Variants in SCN3A observed in about 807,000 individuals in gnomAD.
SCN3A encodes the protein sodium channel protein type 3 subunit alpha.
SCN3A carries 60 observed loss-of-function variants against 187.6 expected under a neutral mutation model. The ratio of observed to expected loss-of-function variants is 0.32; its 90% CI spans 0.26 to 0.40. The LOEUF (loss-of-function observed/expected upper bound fraction) is 0.40. SCN3A is among the 10% of genes least tolerant of loss of function. The pLI is 1.00. For missense variants in SCN3A, 1,601 were observed against 2,428.2 expected, an observed-to-expected ratio of 0.66 and a Z score of 7.16; for synonymous variants, 788 against 829.2, an observed-to-expected ratio of 0.95 and a Z score of 0.85.
chr2:165,094,185 C>A, intron 26 of SCN3A, 189 bp downstream of exon 26: 1 of 634,868 alleles, frequency 1.6e-6, no homozygotes, highest in Non-Finnish European at 2.8e-6. Context: ...AAGAACATTA[C>A]CTCCTTTTTT....
chr2:165,126,625 G>A lies in SCN3A; in HGVS notation c.3393+1006C>T, dbSNP rs182028085. ...GTTCCTTCCTTCCTTCATTCCTTCC[G>A]TCCTTCCTCCCTCTTCTCCTTTCCC... On this transcript the variant is annotated intron_variant, in intron 18 of 27. Transcript: ENST00000283254. Among the ~76,000 whole-genome samples the A allele has an allele frequency of 6.1e-4, 54 of 88,988 alleles. No individual in the cohort carries two copies. The East Asian group carries it at 0.018, about 30-fold the overall frequency. The allele number at this position is 88,988 out of a possible 152,430, so 58.4% of individuals were successfully genotyped here.
At chr2:165,163,375 A>G (rs987351831) in intron 7 of SCN3A, among the ~76,000 whole-genome samples, 1 of 152,174 alleles carries the variant, frequency 6.6e-6, no homozygotes, top group African/African-American at 2.4e-5. Context: ...AGAGCGCAAG[A>G]GGCCCAAATT....
chr2:165,098,626 G>C (rs1685467602), intron 22 of SCN3A, among the ~76,000 whole-genome samples: 1 of 152,058 alleles, frequency 6.6e-6, no homozygotes, highest in Non-Finnish European at 1.5e-5. Flanking sequence ...AAAAACCATG[G>C]CTTCAGGCTG....
chr2:165,182,299 G>T (rs1260126219), intron 2 of SCN3A, among the ~76,000 whole-genome samples: 1 of 152,180 alleles, frequency 6.6e-6, no homozygotes, highest in East Asian at 1.9e-4. Flanking sequence ...GTACCAAAAG[G>T]CATGGACTTA....
At chr2:165,194,272 T>G (rs1252552984) in intron 1 of SCN3A, among the ~76,000 whole-genome samples, 2 of 152,114 alleles carry the variant, frequency 1.3e-5, no homozygotes, top group African/African-American at 4.8e-5. Context: ...GGTGGGAAAT[T>G]GACCAGTTAA....
At position 165,140,980 on chromosome 2, in the gene SCN3A, C is replaced by G; in HGVS notation, c.1690G>C (p.Gly564Arg). ...TTGCGTCTTGGGGAAAACAGGGAGC[C>G]ACGGATACTCAAGAGAGACTGCAGA... ...SPHQSLLSIR[G>R]SLFSPRRNSK... Residue 564 changes from glycine to arginine, a missense_variant, in exon 13 of 28, where the codon GGC becomes CGC. Gly to Arg is a moderately radical substitution (Grantham distance 125). This residue lies in a region of SCN3A where 376 missense variants were observed against 476.0 expected (regional missense o/e 0.79). Coordinates refer to ENST00000283254, the MANE Select transcript of SCN3A (RefSeq NM_006922.4). The surrounding 1 kb of genome is among the most constrained non-coding windows in gnomAD (Gnocchi z 4.2). 9 of 1,613,690 alleles carry G rather than the reference C, an allele frequency of 5.6e-6. No homozygotes were observed. Among genetic ancestry groups the G allele is most frequent in the Non-Finnish European group, 7.6e-6 (9 of 1,179,846 alleles).
At chr2:165,186,796 G>C (rs1197463157) in intron 1 of SCN3A, 49 bp from the exon 2 acceptor site, 2 of 151,920 alleles carry the variant, frequency 1.3e-5, no homozygotes, top group Non-Finnish European at 2.9e-5. Context: ...TTTGACATTT[G>C]GCATAGGGGT....
rs542232187 is a variant in SCN3A, at chr2:165,146,610, C to A, written c.1671+129G>T. 8.9e-5 allele frequency: 79 copies of A among 887,812 alleles called. No individual in the cohort carries two copies. The African/African-American group carries it at 1.1e-3, about 13-fold the overall frequency. The allele number at this position is 887,812 out of a possible 1,614,324, so 55.0% of individuals were successfully genotyped here. On this transcript the variant is annotated intron_variant, in intron 12 of 27. Transcript: ENST00000283254. The stretch of plus-strand genomic sequence containing the variant: ...CAATCTATTATAAGAATTTAAACAA[C>A]TATATTAAATGTTAGTTCCCTGTCC...
At position 165,140,559 on chromosome 2, in the gene SCN3A, A is replaced by G. The variant is rs566120222; in HGVS notation, c.2019+92T>C. 13 of 1,054,674 alleles carry G rather than the reference A, an allele frequency of 1.2e-5. No homozygotes were observed. In the East Asian group the frequency reaches 2.9e-4, roughly 23 times the overall value. The allele number at this position is 1,054,674 out of a possible 1,614,324, so 65.3% of individuals were successfully genotyped here. On this transcript the variant is annotated intron_variant, in intron 13 of 27. Transcript: ENST00000283254. This position sits in a 1 kb window ranked among gnomAD's most constrained non-coding sequence, Gnocchi z 4.2. ...ATTTTTACCAACTTTCATTTTGAGG[A>G]AGCAGGACGGTATGACAGCCTAAAC...
At chr2:165,108,290 A>G (rs1685954957) in intron 21 of SCN3A, among the ~76,000 whole-genome samples, 1 of 152,184 alleles carries the variant, frequency 6.6e-6, no homozygotes, top group East Asian at 1.9e-4. Flanking sequence ...AAATGTCAAG[A>G]ACTAAGGCAG....
Position 165,090,213 on chromosome 2 carries a change from C to T in SCN3A, c.5940G>A (p.Lys1980=), listed in dbSNP as rs2105615569. The T allele has an allele frequency of 2.5e-6, 4 of 1,607,274 alleles. No individual in the cohort carries two copies. Among genetic ancestry groups the T allele is most frequent in the Non-Finnish European group, 2.6e-6 (3 of 1,175,474 alleles). ...YDSVTKPDKE[K]FEKDKPEKES... ...CTTTTTCTGGTTTGTCTTTCTCAAA[C>T]TTTTCCTTGTCTGGTTTTGTTACAC... is the stretch of plus-strand genomic sequence containing the variant. The change falls in exon 28 of 28, where the codon AAG becomes AAA. Residue 1980 remains lysine, a synonymous_variant. Transcript: ENST00000283254. The surrounding 1 kb of genome is among the most constrained non-coding windows in gnomAD (Gnocchi z 4.0).
chr2:165,151,440 A>G (rs1688677108), intron 11 of SCN3A, among the ~76,000 whole-genome samples: 1 of 152,220 alleles, frequency 6.6e-6, no homozygotes, highest in Non-Finnish European at 1.5e-5. Flanking sequence ...AAAATTGAGT[A>G]ACAGAGACCA....
chr2:165,156,512 C>CAAAAAAAA lies in SCN3A; in HGVS notation c.1032-617_1032-610dup, dbSNP rs558407270. On this transcript the variant is annotated intron_variant, in intron 9 of 27. Coordinates refer to ENST00000283254, the MANE Select transcript of SCN3A (RefSeq NM_006922.4). The stretch of plus-strand genomic sequence containing the variant: ...TGGGTGACAGAGCGAGACTCTGACT[C>CAAAAAAAA]AAAAAAAAAAAAAAAAAAAAAAAAA... Among the ~76,000 whole-genome samples the CAAAAAAAA allele has an allele frequency of 5.0e-4, 32 of 63,696 alleles. 1 individual carries two copies. The highest frequency in any genetic ancestry group is 7.9e-4 in the Non-Finnish European group (27 of 34,280). The allele number at this position is 63,696 out of a possible 152,430, so 41.8% of individuals were successfully genotyped here. A position where few individuals can be genotyped will look rare whatever the true frequency, so the allele number is the denominator to read the frequency against.
chr2:165,157,717 T>G (rs7586796), intron 9 of SCN3A, among the ~76,000 whole-genome samples: 3 of 152,088 alleles, frequency 2.0e-5, no homozygotes, highest in Non-Finnish European at 2.9e-5. Flanking sequence ...TTATTCTGCA[T>G]AGGATATTTG....
intron 2 of SCN3A, among the ~76,000 whole-genome samples, chr2:165,182,331 G>A (rs1447808901): frequency 6.6e-6 from 1 of 152,184 alleles, no homozygotes; most frequent in Non-Finnish European, 1.5e-5. Context: ...TGGATTCAAG[G>A]CCTGACTCTG....
intron 18 of SCN3A, among the ~76,000 whole-genome samples, chr2:165,125,023 A>C (rs1386013492): frequency 6.6e-6 from 1 of 152,130 alleles, no homozygotes; most frequent in East Asian, 1.9e-4. Flanking sequence ...ATAATCTGAA[A>C]CTACCTCACA....
intron 18 of SCN3A, among the ~76,000 whole-genome samples, chr2:165,122,410 ATTTAC>A (rs1053984291): frequency 1.3e-5 from 2 of 151,928 alleles, no homozygotes; most frequent in African/African-American, 2.4e-5. Flanking sequence ...TGGTAATACA[ATTTAC>A]TTATAAAGGC....
At chr2:165,131,037 A>G (rs1448510280) in intron 16 of SCN3A, among the ~76,000 whole-genome samples, 1 of 152,156 alleles carries the variant, frequency 6.6e-6, no homozygotes. Flanking sequence ...TGTGCCCTAC[A>G]TACCTAATCA....
At chr2:165,149,883 T>G (rs1688593470) in intron 11 of SCN3A, among the ~76,000 whole-genome samples, 1 of 152,252 alleles carries the variant, frequency 6.6e-6, no homozygotes, top group African/African-American at 2.4e-5. Context: ...TGTATCTGTG[T>G]GTCCGTAAAA....
Sources: gnomAD v4.1 joint callset for allele counts (sites outside exome capture counted in the v4.1 genomes callset) on GRCh38, gnomAD v4.1.1 for gene constraint, gnomAD v4.1.1 regional missense constraint, Gnocchi (gnomAD v3.1) non-coding constraint, MANE v1.5 for transcripts, NCBI Gene and HGNC (gene_info 2026-07-23, HGNC 2026-07-21) for gene names.